The following BDNF variants were observed in gnomAD, a reference collection of about 807,000 sequenced individuals.
The protein encoded by BDNF is brain derived neurotrophic factor, also known as neurotrophic factor BDNF precursor form.
A neutral mutation model predicts 19.5 loss-of-function variants in BDNF; 1 was observed. The ratio of observed to expected loss-of-function variants is 0.05; its 90% CI spans 0.02 to 0.24. The LOEUF is 0.24. Among genes scored for constraint, BDNF ranks in the 10% least tolerant of loss-of-function variants. The pLI, the probability that BDNF is intolerant of heterozygous loss-of-function variation, is 1.00. For synonymous variants in BDNF, 100 were observed against 121.6 expected (o/e 0.82, Z 1.17); for missense variants, 195 against 317.6 (o/e 0.61, Z 2.93).
At chr11:27,716,313 G>A (rs1860506054) in intron 1 of BDNF, among the ~76,000 whole-genome samples, 1 of 152,066 alleles carries the variant, frequency 6.6e-6, no homozygotes, top group Admixed American at 6.6e-5. Context: ...TTCACTAGAT[G>A]CTAATGTTTA....
At chr11:27,666,800 A>C (rs964004334) in intron 1 of BDNF, among the ~76,000 whole-genome samples, 1 of 152,214 alleles carries the variant, frequency 6.6e-6, no homozygotes, top group Non-Finnish European at 1.5e-5. Context: ...TGATTGGTGT[A>C]CCTGAAAGTG....
chr11:27,664,544 C>T (rs768279114), intron 1 of BDNF, among the ~76,000 whole-genome samples: 8 of 152,048 alleles, frequency 5.3e-5, no homozygotes, highest in African/African-American at 1.2e-4. Flanking sequence ...TTTGGGAGGC[C>T]GAGGCGGGAG....
In BDNF at chr11:27,664,033, G is replaced by GA. The variant is rs371569389; in HGVS notation, c.-21-5449dup. ...ACAGTACAGATAATTCAGGCATACA[G>GA]AAAAAAAAAAAAGTCTTGTTTGTTC... On this transcript the variant is annotated intron_variant, in intron 1 of 1. Coordinates refer to ENST00000356660, the MANE Select transcript of BDNF (RefSeq NM_001709.5). Among the ~76,000 whole-genome samples, 1,069 of 143,344 alleles carry GA rather than the reference G, an allele frequency of 7.5e-3. 2 individuals are homozygous for GA. Among genetic ancestry groups the GA allele is most frequent in the African/African-American group, 0.019 (753 of 39,468 alleles). 94.0% of individuals were successfully genotyped at this position (143,344 alleles called of 152,430 possible). A position where few individuals can be genotyped will look rare whatever the true frequency, so the allele number is the denominator to read the frequency against.
In BDNF at chr11:27,657,990, G is replaced by A; in HGVS notation, c.575C>T (p.Thr192Ile). ...GTCTATGCCCCTGCAGCCTTCTTTTGTGTAACCCATGGGATTGCACTTGGT... is the reference window on the plus strand; with the variant it reads ...GTCTATGCCCCTGCAGCCTTCTTTTATGTAACCCATGGGATTGCACTTGGT... ...YETKCNPMGY[T>I]KEGCRGIDKR... The change falls in exon 2 of 2, where the codon ACA (threonine) becomes ATA (isoleucine). Residue 192 changes from threonine (T) to isoleucine (I), a missense_variant. By Grantham distance (89) the Thr-to-Ile change is moderately conservative. This residue lies in a region of BDNF where 71 missense variants were observed against 162.6 expected (regional missense o/e 0.44). Transcript: ENST00000356660. The surrounding 1 kb of genome is among the most constrained non-coding windows in gnomAD (Gnocchi z 5.0). The A allele has an allele frequency of 6.2e-7, 1 of 1,614,070 alleles. No individual in the cohort carries two copies.
intron 1 of BDNF, chr11:27,720,889 G>C (rs1347557729): frequency 1.2e-5 from 7 of 578,350 alleles, no homozygotes; most frequent in African/African-American, 2.1e-5. Flanking sequence ...TTTCTTCTAC[G>C]AGAGGATTAC....
intron 1 of BDNF, among the ~76,000 whole-genome samples, chr11:27,663,206 T>C (rs949786980): frequency 1.7e-4 from 26 of 152,240 alleles, no homozygotes; most frequent in African/African-American, 6.0e-4. Flanking sequence ...TGACTCTTTA[T>C]CACACATAAG....
chr11:27,685,560 C>G (rs1293271215), intron 1 of BDNF, among the ~76,000 whole-genome samples: 2 of 152,160 alleles, frequency 1.3e-5, no homozygotes, highest in Middle Eastern at 3.2e-3. Flanking sequence ...CCCCTAAACA[C>G]TGTTTTAGCT....
chr11:27,692,213 A>G (rs1858388765), intron 1 of BDNF, among the ~76,000 whole-genome samples: 1 of 152,240 alleles, frequency 6.6e-6, no homozygotes, highest in Non-Finnish European at 1.5e-5. Flanking sequence ...ATAAATAAGG[A>G]GCAGACTTAT....
chr11:27,719,658 AAAG>A, intron 1 of BDNF: 1 of 984,288 alleles, frequency 1.0e-6, no homozygotes, highest in Non-Finnish European at 1.2e-6. Flanking sequence ...GAAAACCCAG[AAAG>A]AAGCATCCAG....
chr11:27,695,454 T>C (rs1487765209), intron 1 of BDNF, among the ~76,000 whole-genome samples: 2 of 152,266 alleles, frequency 1.3e-5, no homozygotes, highest in East Asian at 3.9e-4. Context: ...TCTCCAAAAA[T>C]GCAGAGGCAT....
At chr11:27,693,456 A>G (rs948654077) in intron 1 of BDNF, among the ~76,000 whole-genome samples, 2 of 152,238 alleles carry the variant, frequency 1.3e-5, no homozygotes, top group Non-Finnish European at 2.9e-5. Context: ...TCCAGATTCT[A>G]TCATTCAACA....
intron 1 of BDNF, chr11:27,675,553 G>A (rs1446489860): frequency 6.6e-6 from 1 of 152,114 alleles, no homozygotes; most frequent in African/African-American, 2.4e-5. Flanking sequence ...AAAAATCGTG[G>A]TGACACAAAA....
chr11:27,700,661 G>A (rs1230803028), upstream of BDNF: 5 of 1,031,276 alleles, frequency 4.8e-6, no homozygotes, highest in Non-Finnish European at 4.7e-6. Flanking sequence ...CCGCTCCCCC[G>A]GGGCCTGTCC....
Position 27,678,021 on chromosome 11 carries a change from C to T in BDNF, c.-21-19436G>A, listed in dbSNP as rs558146509. On this transcript the variant is annotated intron_variant, in intron 1 of 1. Coordinates refer to ENST00000356660, the MANE Select transcript of BDNF (RefSeq NM_001709.5). The stretch of plus-strand genomic sequence containing the variant: ...GGGTATAGAGAATAGTCCCTGGGAC[C>T]GGGGGCTGAAGTCCTGAATTCTGGT... Among the ~76,000 whole-genome samples the T allele has an allele frequency of 3.1e-4, 47 of 152,222 alleles. 1 individual carries two copies. The highest frequency in any genetic ancestry group is 4.6e-4 in the Admixed American group (7 of 15,296).
Position 27,656,843 on chromosome 11 carries a change from G to A in BDNF, c.*978C>T, listed in dbSNP as rs989835747. On this transcript the variant is annotated 3_prime_UTR_variant, in exon 2 of 2. Coordinates refer to ENST00000356660, the MANE Select transcript of BDNF (RefSeq NM_001709.5). ...AAATCACTGTTCTCCATGCTTATAC[G>A]AGTGTCATGATGTGACACAATGTGT... 2.7e-5 allele frequency: 27 copies of A among 984,784 alleles called. No individual in the cohort carries two copies. Among genetic ancestry groups the A allele is most frequent in the East Asian group, 1.1e-4 (1 of 8,812 alleles). The allele number at this position is 984,784 out of a possible 1,614,324, so 61.0% of individuals were successfully genotyped here.
intron 1 of BDNF, among the ~76,000 whole-genome samples, chr11:27,711,308 A>G (rs1298555108): frequency 6.6e-6 from 1 of 152,238 alleles, no homozygotes; most frequent in East Asian, 1.9e-4. Flanking sequence ...TTATTAATGT[A>G]TATGATCCTA....
Position 27,689,883 on chromosome 11 carries a change from C to CCCCTGCT in BDNF, c.-22+10274_-22+10280dup, listed in dbSNP as rs201496757. 7.3e-3 allele frequency among the ~76,000 whole-genome samples: 1,103 copies of CCCCTGCT among 152,032 alleles called. 11 individuals carry two copies. Among genetic ancestry groups the CCCCTGCT allele is most frequent in the African/African-American group, 0.025 (1,027 of 41,448 alleles). ...TGACGCACTCTCTCCCTTCCCCTGC[C>CCCCTGCT]CCCTGCTCCAGGCCCCAGTGTGTGT... On this transcript the variant is annotated intron_variant, in intron 1 of 1. Transcript: ENST00000356660.
chr11:27,669,681 T>C (rs1033959675), intron 1 of BDNF, among the ~76,000 whole-genome samples: 64 of 152,086 alleles, frequency 4.2e-4, no homozygotes, highest in Non-Finnish European at 2.9e-4. Flanking sequence ...AATAAAATAC[T>C]TAGGAATCCA....
chr11:27,686,472 G>A (rs1857501974), intron 1 of BDNF, among the ~76,000 whole-genome samples: 1 of 152,168 alleles, frequency 6.6e-6, no homozygotes, highest in African/African-American at 2.4e-5. Flanking sequence ...CCCATTAGTT[G>A]ATGCAGTTTC....
Sources: allele counts gnomAD v4.1 joint callset (sites outside exome capture counted in the v4.1 genomes callset), GRCh38; gene constraint gnomAD v4.1.1; regional missense constraint gnomAD v4.1.1; non-coding constraint Gnocchi (gnomAD v3.1); transcripts MANE v1.5; gene names NCBI Gene and HGNC (gene_info 2026-07-23, HGNC 2026-07-21).